Variants in ASIC2 observed in about 807,000 individuals in gnomAD.
The protein encoded by ASIC2 is acid-sensing ion channel 2.
Under a neutral mutation model 57.3 loss-of-function variants are expected in ASIC2, and 25 were observed. That is an observed-to-expected ratio of 0.44 (90% CI 0.32 to 0.61). The LOEUF (loss-of-function observed/expected upper bound fraction) is 0.61, where lower values mean the gene tolerates loss of function less well. Ranked by LOEUF, ASIC2 falls within the 20% of genes least tolerant of loss-of-function variation. The pLI, the probability that ASIC2 is intolerant of heterozygous loss-of-function variation, is 0.06. For missense variants in ASIC2, 641 were observed against 738.1 expected, an observed-to-expected ratio of 0.87 and a Z score of 1.52; for synonymous variants, 319 against 307.5, an observed-to-expected ratio of 1.04 and a Z score of -0.39.
chr17:33,367,016 C>T (rs535505003), intron 1 of ASIC2, among the ~76,000 whole-genome samples: 21 of 152,336 alleles, frequency 1.4e-4, no homozygotes, highest in Admixed American at 1.1e-3. Flanking sequence ...GCATGTTCTG[C>T]GTGCTAGGTG....
chr17:33,979,488 C>A (rs1905529866), intron 1 of ASIC2, among the ~76,000 whole-genome samples: 1 of 152,140 alleles, frequency 6.6e-6, no homozygotes. Flanking sequence ...CCAGAAAAGT[C>A]ATCACCCCCA....
At chr17:33,814,537 G>A (rs941356586) in intron 1 of ASIC2, among the ~76,000 whole-genome samples, 3 of 152,146 alleles carry the variant, frequency 2.0e-5, no homozygotes, top group African/African-American at 4.8e-5. Context: ...TAATGTGCCC[G>A]TAAAAGACCT....
intron 1 of ASIC2, among the ~76,000 whole-genome samples, chr17:33,603,766 T>G (rs577772021): frequency 1.3e-5 from 2 of 152,344 alleles, no homozygotes; most frequent in South Asian, 4.1e-4. Context: ...TTTCAGTTAT[T>G]TAACCCAATA....
intron 1 of ASIC2, among the ~76,000 whole-genome samples, chr17:33,813,158 G>A (rs1912474587): frequency 6.6e-6 from 1 of 152,136 alleles, no homozygotes; most frequent in South Asian, 2.1e-4. Flanking sequence ...TTAAAGGCCT[G>A]TAGAAATTAG....
chr17:33,183,693 G>A (rs1373751864), intron 1 of ASIC2, among the ~76,000 whole-genome samples: 5 of 152,186 alleles, frequency 3.3e-5, no homozygotes, highest in African/African-American at 1.2e-4. Flanking sequence ...TGCATTTATT[G>A]TATCTTTCAT....
chr17:33,528,185 T>TGTGTGTGTGTGTGTGTGTGG (rs1359365225), intron 1 of ASIC2, among the ~76,000 whole-genome samples: 1 of 151,768 alleles, frequency 6.6e-6, no homozygotes, highest in African/African-American at 2.4e-5. Context: ...TGTGTGTGTG[T>TGTGTGTGTGTGTGTGTGTGG]GGTTTCCAGC....
At chr17:33,427,947 G>A (rs1014049232) in intron 1 of ASIC2, among the ~76,000 whole-genome samples, 1 of 152,172 alleles carries the variant, frequency 6.6e-6, no homozygotes, top group Non-Finnish European at 1.5e-5. Flanking sequence ...TGTGGAAAAA[G>A]CCAGCAGCCA....
At chr17:34,046,456 A>C (rs1342914057) in intron 1 of ASIC2, among the ~76,000 whole-genome samples, 1 of 152,198 alleles carries the variant, frequency 6.6e-6, no homozygotes, top group African/African-American at 2.4e-5. Flanking sequence ...AAGACATTTC[A>C]TTTTCATGGG....
intron 1 of ASIC2, among the ~76,000 whole-genome samples, chr17:33,709,546 A>G (rs563165241): frequency 1.9e-4 from 29 of 152,302 alleles, no homozygotes; most frequent in African/African-American, 6.7e-4. Flanking sequence ...TGGCACTGTG[A>G]TCTCAGGCTT....
chr17:33,714,575 T>C (rs557220283), intron 1 of ASIC2, among the ~76,000 whole-genome samples: 78 of 152,294 alleles, frequency 5.1e-4, no homozygotes, highest in Admixed American at 9.1e-4. Context: ...TTTATGGACA[T>C]GTATATGTGG....
intron 1 of ASIC2, among the ~76,000 whole-genome samples, chr17:33,753,915 A>C (rs1384668155): frequency 1.3e-5 from 2 of 152,208 alleles, no homozygotes; most frequent in Non-Finnish European, 2.9e-5. Context: ...CATCAATTGT[A>C]ACAGATATAT....
intron 7 of ASIC2, among the ~76,000 whole-genome samples, chr17:33,020,531 T>C (rs1182746641): frequency 6.6e-6 from 1 of 152,164 alleles, no homozygotes; most frequent in African/African-American, 2.4e-5. Flanking sequence ...TCAAGTCCTT[T>C]AACTGTGCAC....
chr17:33,045,155 T>C (rs2091948001), intron 3 of ASIC2, among the ~76,000 whole-genome samples: 1 of 152,168 alleles, frequency 6.6e-6, no homozygotes, highest in South Asian at 2.1e-4. Context: ...TAATTGTTAA[T>C]GTGAATCCTA....
chr17:33,253,596 C>T (rs1281138946), intron 1 of ASIC2, among the ~76,000 whole-genome samples: 2 of 152,230 alleles, frequency 1.3e-5, no homozygotes, highest in Non-Finnish European at 2.9e-5. Context: ...GCAGCATTGA[C>T]TAGCATTTGC....
chr17:33,764,334 G>T (rs1032906735), intron 1 of ASIC2, among the ~76,000 whole-genome samples: 3 of 150,638 alleles, frequency 2.0e-5, no homozygotes, highest in African/African-American at 4.9e-5. Flanking sequence ...AAAAAAAAAG[G>T]CTTTGATTTC....
intron 1 of ASIC2, among the ~76,000 whole-genome samples, chr17:33,152,849 C>T (rs918012405): frequency 6.6e-6 from 1 of 152,150 alleles, no homozygotes; most frequent in South Asian, 2.1e-4. Context: ...ATTTTTTTAA[C>T]TTTCCACTGG....
At chr17:33,866,742 G>C (rs1914248087) in intron 1 of ASIC2, among the ~76,000 whole-genome samples, 1 of 152,166 alleles carries the variant, frequency 6.6e-6, no homozygotes, top group Admixed American at 6.5e-5. Flanking sequence ...TGAATGGATT[G>C]AGTGAGGAAG....
chr17:33,861,377 C>T (rs920470816), intron 1 of ASIC2, among the ~76,000 whole-genome samples: 2 of 152,170 alleles, frequency 1.3e-5, no homozygotes, highest in African/African-American at 4.8e-5. Flanking sequence ...CAGTACTTTT[C>T]AGCTTTCAGA....
chr17:33,065,905 G>A (rs1261803416), intron 3 of ASIC2, among the ~76,000 whole-genome samples: 4 of 152,118 alleles, frequency 2.6e-5, no homozygotes, highest in Non-Finnish European at 5.9e-5. Flanking sequence ...GATGAGGCCC[G>A]AAAAGTCAAG....
Sources: gnomAD v4.1 joint callset for allele counts (sites outside exome capture counted in the v4.1 genomes callset) on GRCh38, gnomAD v4.1.1 for gene constraint, MANE v1.5 for transcripts, NCBI Gene and HGNC (gene_info 2026-07-23, HGNC 2026-07-21) for gene names.